Variants in TRPM6 observed in about 807,000 individuals in gnomAD.
The protein encoded by TRPM6 is transient receptor potential cation channel subfamily M member 6.
In TRPM6, 111 loss-of-function variants were observed where a neutral mutation model predicts 247.6. The observed-to-expected ratio is 0.45, with a 90% CI of 0.38 to 0.52. The LOEUF is 0.52. Ranked by LOEUF, TRPM6 falls within the 20% of genes least tolerant of loss-of-function variation. TRPM6 has a pLI of 0.00. For synonymous variants in TRPM6, 892 were observed against 853.8 expected, an observed-to-expected ratio of 1.04 and a Z score of -0.78; for missense variants, 2,126 against 2,421.5, an observed-to-expected ratio of 0.88 and a Z score of 2.56.
chr9:74,744,216 C>A (rs560714291), intron 31 of TRPM6, 71 bp from the exon 32 acceptor site: 2 of 1,485,418 alleles, frequency 1.3e-6, no homozygotes, highest in Admixed American at 1.7e-5. Flanking sequence ...GAATATATTG[C>A]CTTCAAAGTT....
At chr9:74,799,312 T>C (rs1190329744) in intron 17 of TRPM6, among the ~76,000 whole-genome samples, 1 of 152,192 alleles carries the variant, frequency 6.6e-6, no homozygotes, top group Non-Finnish European at 1.5e-5. Context: ...TGTCTCTTTT[T>C]ATTTATTTGG....
At chr9:74,874,290 C>G (rs1324974739) in intron 1 of TRPM6, among the ~76,000 whole-genome samples, 1 of 151,300 alleles carries the variant, frequency 6.6e-6, no homozygotes, top group East Asian at 1.9e-4. Flanking sequence ...AATTGAGACT[C>G]AGAAGTCTGT....
chr9:74,784,210 C>T, intron 21 of TRPM6, among the ~76,000 whole-genome samples: 1 of 147,564 alleles, frequency 6.8e-6, no homozygotes, highest in Non-Finnish European at 1.5e-5. Context: ...TTGCAGTGAG[C>T]AGAGATTGCG....
At chr9:74,860,345 T>G (rs1830656934) in intron 1 of TRPM6, among the ~76,000 whole-genome samples, 1 of 152,036 alleles carries the variant, frequency 6.6e-6, no homozygotes, top group African/African-American at 2.4e-5. Context: ...TATTTATTTT[T>G]ATTTTTTTAT....
rs777382705 is a variant in TRPM6, at chr9:74,763,100, T to C, written c.3571A>G (p.Asn1191Asp). The change falls in exon 26 of 39, where the codon AAT (asparagine) becomes GAT (aspartate). Residue 1191 changes from asparagine to aspartate, a missense_variant. Coordinates refer to ENST00000360774, the MANE Select transcript of TRPM6 (RefSeq NM_017662.5). ...TEMYFQLKEM[N>D]EKVSFIKDSL... ...TCCTTTATAAAAGACACCTTTTCAT[T>C]CATTTCTTTCAGCTGGAAGTACATC... 1 of 1,613,268 alleles carries C rather than the reference T, an allele frequency of 6.2e-7. No homozygotes were observed. The highest frequency in any genetic ancestry group is 1.7e-5 in the Admixed American group (1 of 60,014).
chr9:74,772,435 T>C (rs1827080366), intron 24 of TRPM6, among the ~76,000 whole-genome samples: 1 of 152,176 alleles, frequency 6.6e-6, no homozygotes, highest in African/African-American at 2.4e-5. Context: ...TATATGAAAA[T>C]GGGGAATCTG....
chr9:74,837,372 G>T (rs1229517960), intron 5 of TRPM6, among the ~76,000 whole-genome samples: 1 of 152,194 alleles, frequency 6.6e-6, no homozygotes, highest in East Asian at 1.9e-4. Context: ...CTGGTCCAGG[G>T]ACTAATCCTT....
intron 23 of TRPM6, among the ~76,000 whole-genome samples, chr9:74,779,830 A>C (rs1273150895): frequency 1.3e-5 from 2 of 152,200 alleles, no homozygotes; most frequent in African/African-American, 2.4e-5. Flanking sequence ...CTGAGGGGCC[A>C]ATGTGGTTGG....
rs1208363691 is a variant in TRPM6, at chr9:74,820,369, A to C, written c.1069T>G (p.Phe357Val). 1 of 1,614,188 alleles carries C rather than the reference A, an allele frequency of 6.2e-7. No homozygotes were observed. The highest frequency in any genetic ancestry group is 1.6e-4 in the Middle Eastern group (1 of 6,062). ...IICMIQNTFN[F>V]SLKQSKHLFQ... Reference sequence around the variant, plus strand: ...AGGTGCTTGGACTGTTTAAGACTAAAGTTGAAAGTGTTCTGAATCATGCAG... The same window carrying C: ...AGGTGCTTGGACTGTTTAAGACTAACGTTGAAAGTGTTCTGAATCATGCAG... The change falls in exon 9 of 39, where the codon TTT (phenylalanine) becomes GTT (valine). Residue 357 changes from phenylalanine to valine, a missense_variant. Phe to Val is a conservative substitution (Grantham distance 50). Coordinates refer to ENST00000360774, the MANE Select transcript of TRPM6 (RefSeq NM_017662.5).
At chr9:74,766,575 C>T (rs1826833111) in intron 25 of TRPM6, among the ~76,000 whole-genome samples, 2 of 152,150 alleles carry the variant, frequency 1.3e-5, no homozygotes, top group Admixed American at 6.6e-5. Context: ...ATCCATGTAA[C>T]AACCCTATAA....
intron 33 of TRPM6, 113 bp downstream of exon 33, chr9:74,742,448 T>C: frequency 3.9e-6 from 4 of 1,019,468 alleles, no homozygotes; most frequent in Non-Finnish European, 6.0e-6. Flanking sequence ...AAACTACAAC[T>C]ATCAACAAAA....
At chr9:74,807,888 T>G (rs958218549) in intron 14 of TRPM6, 146 bp downstream of exon 14, 1 of 902,816 alleles carries the variant, frequency 1.1e-6, no homozygotes, top group African/African-American at 1.6e-5. Context: ...TAGTACAGTA[T>G]ACTTCACATA....
intron 3 of TRPM6, among the ~76,000 whole-genome samples, chr9:74,847,152 C>T (rs1234078178): frequency 1.3e-5 from 2 of 152,156 alleles, no homozygotes; most frequent in African/African-American, 4.8e-5. Flanking sequence ...GACACATTTC[C>T]TTTGTAAAAA....
chr9:74,858,691 G>C lies in TRPM6; in HGVS notation c.91C>G (p.Pro31Ala). Residue 31 changes from proline to alanine, a missense_variant, in exon 2 of 39, where the codon CCC becomes GCC. Pro to Ala is a conservative substitution (Grantham distance 27, BLOSUM62 -1). Transcript: ENST00000360774. ...FDKRECSTII[P>A]SSKNPHRCTP... ...TACCTGTGAGGATTTTTTGAGCTGGGTATGATTGTGCTACATTCTCTCTTG... is the reference window on the plus strand; with the variant it reads ...TACCTGTGAGGATTTTTTGAGCTGGCTATGATTGTGCTACATTCTCTCTTG... The C allele has an allele frequency of 1.2e-6, 2 of 1,613,236 alleles. No individual in the cohort carries two copies. The highest frequency in any genetic ancestry group is 1.7e-6 in the Non-Finnish European group (2 of 1,179,582).
chr9:74,840,630 C>G (rs1829904303), intron 4 of TRPM6, among the ~76,000 whole-genome samples: 1 of 152,098 alleles, frequency 6.6e-6, no homozygotes, highest in Admixed American at 6.5e-5. Context: ...GCCTGGCCAA[C>G]ATGGTGAAAC....
intron 9 of TRPM6, 43 bp from the exon 10 acceptor site, chr9:74,817,007 C>A (rs1381003788): frequency 6.6e-7 from 1 of 1,510,986 alleles, no homozygotes; most frequent in East Asian, 2.3e-5. Context: ...TGGGGAACTA[C>A]CAAATAAATG....
At chr9:74,854,166 A>G (rs1587583884) in intron 3 of TRPM6, among the ~76,000 whole-genome samples, 1 of 152,168 alleles carries the variant, frequency 6.6e-6, no homozygotes, top group African/African-American at 2.4e-5. Context: ...GGCTCTCCCT[A>G]TCAAAAAAAT....
chr9:74,778,678 A>C (rs1463318054), intron 23 of TRPM6, among the ~76,000 whole-genome samples: 1 of 152,112 alleles, frequency 6.6e-6, no homozygotes, highest in African/African-American at 2.4e-5. Context: ...AGCCAACCAG[A>C]CCCAAACATG....
chr9:74,833,122 G>A (rs899414878), intron 6 of TRPM6, among the ~76,000 whole-genome samples: 17 of 151,574 alleles, frequency 1.1e-4, no homozygotes, highest in African/African-American at 3.6e-4. Context: ...AAATAACTAC[G>A]GCAAATAGGT....
Sources: gnomAD v4.1 joint callset for allele counts (sites outside exome capture counted in the v4.1 genomes callset) on GRCh38, gnomAD v4.1.1 for gene constraint, MANE v1.5 for transcripts, NCBI Gene and HGNC (gene_info 2026-07-23, HGNC 2026-07-21) for gene names.